The following GRIA2 variants were observed in gnomAD, a reference collection of about 807,000 sequenced individuals.
GRIA2 encodes glutamate ionotropic receptor AMPA type subunit 2.
In GRIA2, 14 loss-of-function variants were observed where a neutral mutation model predicts 97.3. The ratio of observed to expected loss-of-function variants is 0.14; its 90% CI spans 0.10 to 0.23. The LOEUF is 0.23. GRIA2 is among the 10% of genes least tolerant of loss of function. The probability of loss-of-function intolerance (pLI) is 1.00; values close to 1 mark genes in which losing one functional copy is unlikely to be tolerated. For synonymous variants in GRIA2, 412 were observed against 387.8 expected, an observed-to-expected ratio of 1.06 and a Z score of -0.73; for missense variants, 558 against 1,069.8, an observed-to-expected ratio of 0.52 and a Z score of 6.67.
intron 4 of GRIA2, among the ~76,000 whole-genome samples, chr4:157,314,246 T>C (rs1032373200): frequency 2.4e-4 from 36 of 152,250 alleles, no homozygotes; most frequent in Non-Finnish European, 3.1e-4. Flanking sequence ...TCTTCTAGCT[T>C]TGAGGAAAAA....
At position 157,338,259 on chromosome 4, in the gene GRIA2, G is replaced by A. The variant is rs1249296517; in HGVS notation, c.1844+1512G>A. The stretch of plus-strand genomic sequence containing the variant: ...TCCCTTTGGTAAGAAGAACAATGAA[G>A]TATGTTACCCTAGTTCTGAAATGTA... On this transcript the variant is annotated intron_variant, in intron 11 of 15. Transcript: ENST00000264426. 1.3e-5 allele frequency among the ~76,000 whole-genome samples: 2 copies of A among 151,800 alleles called. 1 individual carries two copies. Among genetic ancestry groups the A allele is most frequent in the South Asian group, 4.2e-4 (2 of 4,798 alleles).
At chr4:157,305,145 A>C (rs1733787519) in intron 3 of GRIA2, among the ~76,000 whole-genome samples, 1 of 152,156 alleles carries the variant, frequency 6.6e-6, no homozygotes, top group Admixed American at 6.6e-5. Context: ...GAGCTTATTA[A>C]ATAATTTTTA....
intron 2 of GRIA2, among the ~76,000 whole-genome samples, chr4:157,257,421 G>T (rs1409027891): frequency 3.3e-5 from 5 of 152,090 alleles, no homozygotes; most frequent in Non-Finnish European, 7.4e-5. Flanking sequence ...TAAAAATACA[G>T]GTCTAACTGC....
chr4:157,242,226 G>A (rs1463191642), intron 2 of GRIA2, among the ~76,000 whole-genome samples: 2 of 151,958 alleles, frequency 1.3e-5, no homozygotes, highest in East Asian at 3.9e-4. Context: ...GTCAGGTTAA[G>A]GCTTCACCTA....
chr4:157,239,923 A>G lies in GRIA2; in HGVS notation c.229+18116A>G, dbSNP rs1302554514. On this transcript the variant is annotated intron_variant, in intron 2 of 15. Transcript: ENST00000264426. ...GTTCTTACTATCGTATATCTAATTC[A>G]TGTATTCTAGTCTTTCAAGAGACTT... 1.3e-5 allele frequency among the ~76,000 whole-genome samples: 2 copies of G among 151,908 alleles called. 1 individual carries two copies. Among genetic ancestry groups the G allele is most frequent in the South Asian group, 4.1e-4 (2 of 4,824 alleles).
At chr4:157,241,134 C>A (rs1730491965) in intron 2 of GRIA2, among the ~76,000 whole-genome samples, 1 of 151,988 alleles carries the variant, frequency 6.6e-6, no homozygotes, top group Non-Finnish European at 1.5e-5. Context: ...GGTAAATTAT[C>A]TGAGTATTTG....
intron 3 of GRIA2, among the ~76,000 whole-genome samples, chr4:157,304,243 C>T (rs756886446): frequency 2.0e-5 from 3 of 152,116 alleles, no homozygotes; most frequent in African/African-American, 4.8e-5. Context: ...ACAAGATTCC[C>T]GAATCTCAGA....
At chr4:157,294,936 GA>G (rs1277188552) in intron 2 of GRIA2, among the ~76,000 whole-genome samples, 2 of 152,116 alleles carry the variant, frequency 1.3e-5, no homozygotes, top group African/African-American at 4.8e-5. Flanking sequence ...TTTATAAGGA[GA>G]AAATACGTAT....
At chr4:157,248,220 A>G (rs1025520657) in intron 2 of GRIA2, among the ~76,000 whole-genome samples, 6 of 151,590 alleles carry the variant, frequency 4.0e-5, no homozygotes, top group African/African-American at 1.5e-4. Context: ...ATATAATTAA[A>G]ATTGTATATT....
At chr4:157,332,787 C>A in intron 6 of GRIA2, 32 bp from the exon 7 acceptor site, 1 of 1,564,694 alleles carries the variant, frequency 6.4e-7, no homozygotes, top group Non-Finnish European at 8.7e-7. Context: ...AATTTTCTCC[C>A]GTTCTTATGA....
chr4:157,337,637 C>T (rs1427283770), intron 11 of GRIA2, among the ~76,000 whole-genome samples: 10 of 151,872 alleles, frequency 6.6e-5, no homozygotes, highest in Middle Eastern at 3.4e-3. Context: ...ACTAGTGGAG[C>T]GGGTGCCTTT....
At chr4:157,281,796 A>G (rs1348522354) in intron 2 of GRIA2, among the ~76,000 whole-genome samples, 3 of 152,128 alleles carry the variant, frequency 2.0e-5, no homozygotes, top group African/African-American at 7.2e-5. Flanking sequence ...GGAGATACTG[A>G]AAATGTGAAA....
At position 157,363,707 on chromosome 4, in the gene GRIA2, T is replaced by A; in HGVS notation, c.*276T>A. On this transcript the variant is annotated 3_prime_UTR_variant, in exon 16 of 16. Transcript: ENST00000264426. ...GAAGACTTTTCTTTCAGCCAAGAAT[T>A]CTTAAATATGTGGAGTTCATCTTGA... 2.1e-6 allele frequency: 1 copy of A among 486,670 alleles called. No individual in the cohort carries two copies. Among genetic ancestry groups the A allele is most frequent in the Non-Finnish European group, 3.3e-6 (1 of 305,698 alleles). 30.1% of individuals were successfully genotyped at this position (486,670 alleles called of 1,614,324 possible). A position where few individuals can be genotyped will look rare whatever the true frequency, so the allele number is the denominator to read the frequency against.
chr4:157,352,770 AGGCCC>A lies in GRIA2; in HGVS notation c.2044-7122_2044-7118del, dbSNP rs539094681. Among the ~76,000 whole-genome samples, 19 of 150,854 alleles carry A rather than the reference AGGCCC, an allele frequency of 1.3e-4. No homozygotes were observed. The East Asian group carries it at 3.5e-3, about 28-fold the overall frequency. ...CAACAACAACAACAAAAACACTTAT[AGGCCC>A]GGCATGGTGGTGCACACCCATAATC... On this transcript the variant is annotated intron_variant, in intron 12 of 15. Transcript: ENST00000264426.
chr4:157,223,460 ATC>A (rs1729599098), intron 2 of GRIA2, among the ~76,000 whole-genome samples: 2 of 152,352 alleles, frequency 1.3e-5, no homozygotes, highest in Admixed American at 6.5e-5. Context: ...GTAATAGAAT[ATC>A]TCAGAAAATT....
intron 2 of GRIA2, among the ~76,000 whole-genome samples, chr4:157,271,119 A>G (rs369221229): frequency 6.6e-6 from 1 of 152,038 alleles, no homozygotes; most frequent in East Asian, 1.9e-4. Context: ...ATGCACAATT[A>G]AAGCACTTTT....
chr4:157,276,104 G>A (rs1299321474), intron 2 of GRIA2, among the ~76,000 whole-genome samples: 1 of 151,996 alleles, frequency 6.6e-6, no homozygotes, highest in Non-Finnish European at 1.5e-5. Context: ...GGATTCCTAG[G>A]TATTTTATTC....
chr4:157,292,795 G>A (rs1323095619), intron 2 of GRIA2, among the ~76,000 whole-genome samples: 3 of 152,084 alleles, frequency 2.0e-5, no homozygotes, highest in African/African-American at 7.2e-5. Context: ...GAGTCAGGCT[G>A]CCTGGGTTGA....
At chr4:157,338,008 G>GTATATATATATA (rs70958818) in intron 11 of GRIA2, among the ~76,000 whole-genome samples, 14 of 79,314 alleles carry the variant, frequency 1.8e-4, no homozygotes, top group African/African-American at 3.5e-4. Flanking sequence ...ATATATATGT[G>GTATATATATATA]TATATATATA....
Sources: allele counts gnomAD v4.1 joint callset (sites outside exome capture counted in the v4.1 genomes callset), GRCh38; gene constraint gnomAD v4.1.1; transcripts MANE v1.5; gene names NCBI Gene and HGNC (gene_info 2026-07-23, HGNC 2026-07-21).